VEZF1: variants seen among roughly 807,000 people sequenced by gnomAD.
The protein encoded by VEZF1 is vascular endothelial zinc finger 1, also known as putative transcription factor DB1.
VEZF1 carries 5 observed loss-of-function variants against 44.1 expected under a neutral mutation model. That is an observed-to-expected ratio of 0.11 (90% confidence interval 0.06 to 0.24). The LOEUF is 0.24. Among genes scored for constraint, VEZF1 ranks in the 10% least tolerant of loss-of-function variants. VEZF1 has a pLI of 1.00. For synonymous variants in VEZF1, 236 were observed against 233.1 expected (o/e 1.01, Z -0.11); for missense variants, 358 against 641.8 (o/e 0.56, Z 4.78).
intron 1 of VEZF1, chr17:57,985,409 C>A: frequency 8.2e-7 from 1 of 1,225,644 alleles, no homozygotes; most frequent in Non-Finnish European, 1.0e-6. Flanking sequence ...TTCCTAGGAT[C>A]CCCACACTTC....
At chr17:57,975,239 CACT>C (rs1192155105) in intron 5 of VEZF1, among the ~76,000 whole-genome samples, 16 of 152,356 alleles carry the variant, frequency 1.1e-4, no homozygotes, top group Admixed American at 5.9e-4. Context: ...TAAGTGTTCT[CACT>C]ACTACTTCAT....
At chr17:57,980,912 C>A in intron 3 of VEZF1, 126 bp from the exon 4 acceptor site, 1 of 828,078 alleles carries the variant, frequency 1.2e-6, no homozygotes, top group Non-Finnish European at 1.9e-6. Flanking sequence ...ATTTTAATTG[C>A]ATATGTTACC....
At chr17:57,976,464 A>G (rs1047923174) in intron 5 of VEZF1, among the ~76,000 whole-genome samples, 3 of 152,196 alleles carry the variant, frequency 2.0e-5, no homozygotes, top group African/African-American at 7.2e-5. Flanking sequence ...CAGGAGAATC[A>G]ATAGTGAAAT....
intron 1 of VEZF1, among the ~76,000 whole-genome samples, chr17:57,986,491 T>G (rs957405480): frequency 3.3e-5 from 5 of 152,218 alleles, no homozygotes; most frequent in Admixed American, 6.5e-5. Context: ...TCTTTTCCAA[T>G]GCATTTTCAA....
chr17:57,983,666 G>A (rs2075271348), intron 1 of VEZF1, among the ~76,000 whole-genome samples: 1 of 152,112 alleles, frequency 6.6e-6, no homozygotes, highest in Admixed American at 6.5e-5. Flanking sequence ...TGGTTCATAA[G>A]GGACAGACCA....
chr17:57,977,757 T>C (rs1488011982), intron 5 of VEZF1, among the ~76,000 whole-genome samples: 1 of 150,640 alleles, frequency 6.6e-6, no homozygotes, highest in Admixed American at 6.7e-5. Flanking sequence ...GGCAGGAGAA[T>C]CGCTTGAACC....
rs887187454 is a variant in VEZF1 at position 57,985,306 on chromosome 17, T to C, written c.34-1913A>G. ...GGCAACATAAAGTATTTTTACAGCA[T>C]TGCTGAAGCTCACTCTCACAGGAGG... is the stretch of plus-strand genomic sequence containing the variant. On this transcript the variant is annotated intron_variant, in intron 1 of 5. Coordinates refer to ENST00000581208, the MANE Select transcript of VEZF1 (RefSeq NM_007146.3). 1.2e-5 allele frequency: 15 copies of C among 1,231,626 alleles called. No individual in the cohort carries two copies. The Admixed American group carries it at 4.6e-4, about 38-fold the overall frequency. The allele number at this position is 1,231,626 out of a possible 1,614,324, so 76.3% of individuals were successfully genotyped here.
chr17:57,982,029 G>T, intron 2 of VEZF1, 93 bp from the exon 3 acceptor site: 1 of 1,387,992 alleles, frequency 7.2e-7, no homozygotes, highest in Non-Finnish European at 1.0e-6. Flanking sequence ...ATTGGGAAGG[G>T]GTGCATTTTA....
chr17:57,983,067 A>G lies in VEZF1; in HGVS notation c.360T>C (p.Ala120=). 1 of 1,614,166 alleles carries G rather than the reference A, an allele frequency of 6.2e-7. No homozygotes were observed. The highest frequency in any genetic ancestry group is 1.1e-5 in the South Asian group (1 of 91,084). The part of the protein sequence containing the change: ...TTVVPLISTI[A]GDSSRTSLVS... ...CCAACGAAGTTCGGCTGCTGTCCCC[A>G]GCGATGGTAGAGATAAGGGGAACCA... Residue 120 remains alanine (A), a synonymous_variant, in exon 2 of 6, where the codon GCT becomes GCC. Transcript: ENST00000581208.
intron 1 of VEZF1, among the ~76,000 whole-genome samples, chr17:57,987,776 C>T (rs2075312638): frequency 6.6e-6 from 1 of 151,882 alleles, no homozygotes; most frequent in Non-Finnish European, 1.5e-5. Context: ...CGACCGGCCT[C>T]CTCCCTTCCC....
chr17:57,980,785 G>A lies in VEZF1; in HGVS notation c.794C>T (p.Thr265Met), dbSNP rs2075242467. 1.2e-6 allele frequency: 2 copies of A among 1,614,198 alleles called. No individual in the cohort carries two copies. Among genetic ancestry groups the A allele is most frequent in the Non-Finnish European group, 1.7e-6 (2 of 1,180,032 alleles). The change falls in exon 4 of 6, where the codon ACG becomes ATG. Residue 265 changes from threonine (T) to methionine (M), a missense_variant and splice_region_variant. Thr to Met is a moderately conservative substitution (Grantham distance 81, BLOSUM62 -1). Coordinates refer to ENST00000581208, the MANE Select transcript of VEZF1 (RefSeq NM_007146.3). ...TTTGGTGGCAAAGGCAGCAGTGCAC[G>A]TCTGCATGAGGGAGGAAAACTTTTT... ...HSTERPFKCQ[T>M]CTAAFATKDR... is the part of the protein sequence containing the mutation.
chr17:57,984,322 T>C (rs1312184376), intron 1 of VEZF1, among the ~76,000 whole-genome samples: 1 of 152,202 alleles, frequency 6.6e-6, no homozygotes, highest in Non-Finnish European at 1.5e-5. Flanking sequence ...AATTTCACCA[T>C]GGATCAGGTT....
chr17:57,976,391 A>T (rs187378571), intron 5 of VEZF1, among the ~76,000 whole-genome samples: 1 of 152,140 alleles, frequency 6.6e-6, no homozygotes, highest in Non-Finnish European at 1.5e-5. Context: ...AACTATCTAG[A>T]GGACTTCAAA....
intron 5 of VEZF1, among the ~76,000 whole-genome samples, chr17:57,975,961 G>A (rs2075186467): frequency 6.6e-6 from 1 of 152,136 alleles, no homozygotes; most frequent in Non-Finnish European, 1.5e-5. Flanking sequence ...ATCACGCCCA[G>A]CTAATTTTTG....
Position 57,974,850 on chromosome 17 carries a change from G to A in VEZF1, c.1189C>T (p.Leu397Phe). The A allele has an allele frequency of 1.2e-6, 2 of 1,614,172 alleles. No homozygotes were observed. The highest frequency in any genetic ancestry group is 1.7e-6 in the Non-Finnish European group (2 of 1,180,028). The change falls in exon 6 of 6, where the codon CTC (leucine) becomes TTC (phenylalanine). Residue 397 changes from leucine to phenylalanine, a missense_variant. This residue lies in a region of VEZF1 where 171 missense variants were observed against 272.4 expected (regional missense o/e 0.63). Coordinates refer to ENST00000581208, the MANE Select transcript of VEZF1 (RefSeq NM_007146.3). ...GATGTTATACTGAATGGAGTAGTGA[G>A]AGTCACAGGTGTCGTAGCAGCCGTG... ...TSTAATTPVT[L>F]TTPFSITSSV...
Position 57,973,042 on chromosome 17 carries a change from A to C in VEZF1, c.*1431T>G, listed in dbSNP as rs2075152447. On this transcript the variant is annotated 3_prime_UTR_variant, in exon 6 of 6. Transcript: ENST00000581208. ...GATTAAAAAATGAAAAAAACCAAAAACATATTGCAACTTAAAAAATCACAG... is the reference window on the plus strand; with the variant it reads ...GATTAAAAAATGAAAAAAACCAAAACCATATTGCAACTTAAAAAATCACAG... 1 of 152,180 alleles carries C rather than the reference A, an allele frequency of 6.6e-6. No individual in the cohort carries two copies. Among genetic ancestry groups the C allele is most frequent in the African/African-American group, 2.4e-5 (1 of 41,422 alleles). The allele number at this position is 152,180 out of a possible 1,614,324, so 9.4% of individuals were successfully genotyped here. A position where few individuals can be genotyped will look rare whatever the true frequency, so the allele number is the denominator to read the frequency against.
At chr17:57,983,516 G>A (rs1418066988) in intron 1 of VEZF1, 123 bp from the exon 2 acceptor site, 2 of 816,766 alleles carry the variant, frequency 2.4e-6, no homozygotes, top group Non-Finnish European at 3.8e-6. Flanking sequence ...CTCTGCAGTG[G>A]TAATCCAGCA....
chr17:57,980,314 T>C (rs1384491760), intron 4 of VEZF1, among the ~76,000 whole-genome samples: 1 of 152,232 alleles, frequency 6.6e-6, no homozygotes, highest in East Asian at 1.9e-4. Context: ...ATTTAAACCT[T>C]CAAGTGGATA....
In VEZF1 at chr17:57,973,867, A is replaced by G. The variant is rs1190134789; in HGVS notation, c.*606T>C. Reference sequence around the variant, plus strand: ...TATTATACGTTGAAGTTAGAATGATAAATTATCATATGCTTTGCATATCAG... The same window carrying G: ...TATTATACGTTGAAGTTAGAATGATGAATTATCATATGCTTTGCATATCAG... On this transcript the variant is annotated 3_prime_UTR_variant, in exon 6 of 6. Transcript: ENST00000581208. 1 of 154,478 alleles carries G rather than the reference A, an allele frequency of 6.5e-6. No individual in the cohort carries two copies. Among genetic ancestry groups the G allele is most frequent in the African/African-American group, 2.4e-5 (1 of 41,436 alleles). 9.6% of individuals were successfully genotyped at this position (154,478 alleles called of 1,614,324 possible).
Sources: gnomAD v4.1 joint callset for allele counts (sites outside exome capture counted in the v4.1 genomes callset) on GRCh38, gnomAD v4.1.1 for gene constraint, gnomAD v4.1.1 regional missense constraint, MANE v1.5 for transcripts, NCBI Gene and HGNC (gene_info 2026-07-23, HGNC 2026-07-21) for gene names.